The following GPC5 variants were observed in gnomAD, a reference collection of about 807,000 sequenced individuals.
GPC5 encodes the protein glypican 5, also known as glypican-5.
A neutral mutation model predicts 53.9 loss-of-function variants in GPC5; 47 were observed. That is an observed-to-expected ratio of 0.87 (90% CI 0.69 to 1.11). GPC5 has a LOEUF of 1.11. Ranked by LOEUF, GPC5 falls within the 50% of genes most tolerant of loss-of-function variation. The probability of loss-of-function intolerance (pLI) is 0.00; values close to 1 mark genes in which losing one functional copy is unlikely to be tolerated. For synonymous variants in GPC5, 286 were observed against 263.3 expected (o/e 1.09, Z -0.84); for missense variants, 748 against 713.1 (o/e 1.05, Z -0.56).
At chr13:92,341,456 T>C (rs2043365972) in intron 7 of GPC5, among the ~76,000 whole-genome samples, 4 of 152,096 alleles carry the variant, frequency 2.6e-5, no homozygotes, top group Admixed American at 2.6e-4. Flanking sequence ...TACAAATTAA[T>C]CTATAAGATT....
At chr13:92,402,021 G>A (rs936568645) in intron 7 of GPC5, among the ~76,000 whole-genome samples, 3 of 152,076 alleles carry the variant, frequency 2.0e-5, no homozygotes, top group Admixed American at 6.6e-5. Context: ...TTACTAAGCC[G>A]TCAGAAGGCT....
intron 7 of GPC5, among the ~76,000 whole-genome samples, chr13:92,720,495 GT>G (rs1888477418): frequency 6.6e-6 from 1 of 151,786 alleles, no homozygotes; most frequent in Non-Finnish European, 1.5e-5. Context: ...GTTAATTTTG[GT>G]TAGTTATACT....
rs949470872 is a variant in GPC5, at chr13:91,473,291, A to G, written c.325+24369A>G. 3.3e-5 allele frequency among the ~76,000 whole-genome samples: 5 copies of G among 152,080 alleles called. No individual in the cohort carries two copies. The East Asian group carries it at 7.7e-4, about 24-fold the overall frequency. On this transcript the variant is annotated intron_variant, in intron 2 of 7. Transcript: ENST00000377067. ...AGTTCGAGATGAGATTTGGGTGGGGACACAGCCAAACCATATCAAGGCCCT... is the reference window on the plus strand; with the variant it reads ...AGTTCGAGATGAGATTTGGGTGGGGGCACAGCCAAACCATATCAAGGCCCT...
chr13:91,469,119 C>CT (rs1882438171), intron 2 of GPC5, among the ~76,000 whole-genome samples: 1 of 151,454 alleles, frequency 6.6e-6, no homozygotes, highest in South Asian at 2.1e-4. Context: ...CCTTTTCTTT[C>CT]TTTTTTTGAG....
intron 7 of GPC5, among the ~76,000 whole-genome samples, chr13:92,800,531 C>T (rs1876862879): frequency 6.6e-6 from 1 of 151,828 alleles, no homozygotes; most frequent in Non-Finnish European, 1.5e-5. Flanking sequence ...TGTTACTTTC[C>T]ACTAACGAAC....
At chr13:92,548,871 T>A (rs1440696054) in intron 7 of GPC5, among the ~76,000 whole-genome samples, 2 of 152,056 alleles carry the variant, frequency 1.3e-5, no homozygotes, top group Non-Finnish European at 1.5e-5. Context: ...AAACATCTCA[T>A]GTGCCGCATA....
intron 7 of GPC5, among the ~76,000 whole-genome samples, chr13:92,673,081 C>T (rs528679925): frequency 2.0e-4 from 31 of 151,778 alleles, no homozygotes; most frequent in Admixed American, 5.3e-4. Context: ...TAAAGTAGCT[C>T]AATAAGTTTT....
At chr13:91,963,471 C>T (rs922711987) in intron 6 of GPC5, among the ~76,000 whole-genome samples, 1 of 152,130 alleles carries the variant, frequency 6.6e-6, no homozygotes, top group African/African-American at 2.4e-5. Context: ...ACAAAGAGAA[C>T]ACATAAAGTC....
chr13:92,462,197 G>A (rs542902802), intron 7 of GPC5, among the ~76,000 whole-genome samples: 106 of 152,262 alleles, frequency 7.0e-4, no homozygotes, highest in African/African-American at 2.4e-3. Flanking sequence ...CATTTTCGTA[G>A]GATCACTTTG....
rs1201726108 is a variant in GPC5, at chr13:92,175,537, T to C, written c.1561+30548T>C. Among the ~76,000 whole-genome samples, 3 of 152,318 alleles carry C rather than the reference T, an allele frequency of 2.0e-5. No individual in the cohort carries two copies. The East Asian group carries it at 5.8e-4, about 29-fold the overall frequency. ...AAGAGCTGAATTGCTTTCAGTTTTA[T>C]CTGCGGTTCTAAAGTTGGTGGGCGC... On this transcript the variant is annotated intron_variant, in intron 7 of 7. Coordinates refer to ENST00000377067, the MANE Select transcript of GPC5 (RefSeq NM_004466.6).
intron 7 of GPC5, among the ~76,000 whole-genome samples, chr13:92,615,690 T>C (rs1290885410): frequency 2.0e-5 from 3 of 152,130 alleles, no homozygotes; most frequent in African/African-American, 7.2e-5. Flanking sequence ...ATATTTCAGT[T>C]TAAGTCTCCA....
At chr13:92,354,981 T>C (rs2043509892) in intron 7 of GPC5, among the ~76,000 whole-genome samples, 1 of 151,782 alleles carries the variant, frequency 6.6e-6, no homozygotes. Flanking sequence ...GCATATTAGC[T>C]TTAATATATA....
At chr13:92,833,504 A>T (rs1455800426) in intron 7 of GPC5, among the ~76,000 whole-genome samples, 1 of 152,202 alleles carries the variant, frequency 6.6e-6, no homozygotes, top group East Asian at 1.9e-4. Context: ...TCATTAATGC[A>T]TTCATTCTTT....
chr13:92,830,988 C>T (rs904163905), intron 7 of GPC5, among the ~76,000 whole-genome samples: 1 of 152,092 alleles, frequency 6.6e-6, no homozygotes, highest in Non-Finnish European at 1.5e-5. Context: ...TGTTTGATTA[C>T]AAATCCAAGG....
chr13:92,739,410 GTT>G (rs1299278673), intron 7 of GPC5, among the ~76,000 whole-genome samples: 2 of 152,060 alleles, frequency 1.3e-5, no homozygotes, highest in African/African-American at 4.8e-5. Context: ...GATAAGTTCT[GTT>G]TTTCATTAAT....
intron 7 of GPC5, among the ~76,000 whole-genome samples, chr13:92,661,578 T>C (rs1007748900): frequency 2.0e-5 from 3 of 152,168 alleles, no homozygotes; most frequent in Admixed American, 2.0e-4. Flanking sequence ...ACTATAATGA[T>C]TATGTAAGAT....
intron 7 of GPC5, among the ~76,000 whole-genome samples, chr13:92,761,001 T>C (rs558893268): frequency 6.6e-6 from 1 of 152,198 alleles, no homozygotes; most frequent in African/African-American, 2.4e-5. Context: ...CATACCATTG[T>C]GGTCAGAAAT....
chr13:91,467,611 A>T (rs1242994625), intron 2 of GPC5, among the ~76,000 whole-genome samples: 1 of 152,074 alleles, frequency 6.6e-6, no homozygotes, highest in Non-Finnish European at 1.5e-5. Flanking sequence ...CAAGAACATT[A>T]GTTCAGATTT....
chr13:92,760,396 C>A (rs769225371), intron 7 of GPC5, among the ~76,000 whole-genome samples: 19 of 152,076 alleles, frequency 1.2e-4, no homozygotes, highest in Non-Finnish European at 2.7e-4. Context: ...CCTTATTCAA[C>A]CTTGTTAGAT....
Sources: gnomAD v4.1 joint callset for allele counts (sites outside exome capture counted in the v4.1 genomes callset) on GRCh38, gnomAD v4.1.1 for gene constraint, MANE v1.5 for transcripts, NCBI Gene and HGNC (gene_info 2026-07-23, HGNC 2026-07-21) for gene names.